The following SCML2 variants were observed in gnomAD, a reference collection of about 807,000 sequenced individuals.
SCML2 encodes the protein Scm polycomb group protein like 2.
In SCML2, 6 loss-of-function variants were observed where a neutral mutation model predicts 48.4. That is an observed-to-expected ratio of 0.12 (90% CI 0.07 to 0.24). The LOEUF (loss-of-function observed/expected upper bound fraction) is 0.24, where lower values mean the gene tolerates loss of function less well. SCML2 is among the 10% of genes least tolerant of loss of function. SCML2 has a pLI of 1.00. For missense variants in SCML2, 377 were observed against 528.2 expected (o/e 0.71, Z 2.81); for synonymous variants, 181 against 189.5 (o/e 0.95, Z 0.37).
chrX:18,306,068 G>C (rs1387412535), intron 6 of SCML2, among the ~76,000 whole-genome samples: 1 of 111,111 alleles, frequency 9.0e-6, no homozygotes, highest in East Asian at 2.8e-4. Flanking sequence ...AATTAAAAGA[G>C]AAAAGAAAAG....
intron 5 of SCML2, among the ~76,000 whole-genome samples, chrX:18,321,992 C>G (rs964328954): frequency 2.7e-5 from 3 of 111,622 alleles, no homozygotes; most frequent in African/African-American, 9.8e-5. Flanking sequence ...GTTCTATTTT[C>G]TGATTTGGAT....
intron 8 of SCML2, among the ~76,000 whole-genome samples, chrX:18,264,787 A>C: frequency 9.0e-6 from 1 of 111,247 alleles, no homozygotes; most frequent in East Asian, 2.8e-4. Flanking sequence ...GCCTCAGTTC[A>C]GATCTTTTGC....
intron 6 of SCML2, 78 bp downstream of exon 6, chrX:18,320,254 T>C (rs1929273034): frequency 3.5e-6 from 2 of 578,275 alleles, no homozygotes; most frequent in Non-Finnish European, 5.3e-6. Context: ...TGCTTTTCCA[T>C]GTCACAGAAG....
intron 1 of SCML2, among the ~76,000 whole-genome samples, chrX:18,350,949 G>C (rs1236640568): frequency 9.0e-6 from 1 of 110,991 alleles, no homozygotes; most frequent in East Asian, 2.8e-4. Flanking sequence ...CCCAAAGCCA[G>C]GGAAGGGTAT....
At chrX:18,245,616 G>A (rs1445358949) in intron 13 of SCML2, among the ~76,000 whole-genome samples, 2 of 111,993 alleles carry the variant, frequency 1.8e-5, no homozygotes, top group African/African-American at 3.2e-5. Context: ...TCGCCTGCAT[G>A]CCTACCTGGA....
chrX:18,331,934 A>G (rs962243675), intron 2 of SCML2, among the ~76,000 whole-genome samples: 10 of 112,131 alleles, frequency 8.9e-5, no homozygotes. Context: ...GGTCAGATTT[A>G]AGATTGGCTT....
intron 1 of SCML2, among the ~76,000 whole-genome samples, chrX:18,341,576 T>C (rs777108048): frequency 7.2e-5 from 8 of 111,118 alleles, no homozygotes; most frequent in Non-Finnish European, 1.3e-4. Flanking sequence ...ACACAGCTCA[T>C]GGCAAAAAAT....
intron 11 of SCML2, among the ~76,000 whole-genome samples, chrX:18,249,188 T>C (rs1441619462): frequency 8.9e-6 from 1 of 111,951 alleles, no homozygotes; most frequent in Non-Finnish European, 1.9e-5. Context: ...CTCTGGAAAT[T>C]AAAGACTTGC....
chrX:18,289,235 C>T (rs1016606697), intron 7 of SCML2, among the ~76,000 whole-genome samples: 2 of 112,254 alleles, frequency 1.8e-5, no homozygotes, highest in East Asian at 5.6e-4. Context: ...AATCTCCAGA[C>T]TCTGCTTGCA....
chrX:18,340,024 T>C (rs1929962324), intron 1 of SCML2, among the ~76,000 whole-genome samples: 1 of 112,147 alleles, frequency 8.9e-6, no homozygotes, highest in South Asian at 3.7e-4. Flanking sequence ...AAATTCCATA[T>C]ATCGATAATC....
chrX:18,269,031 A>C (rs182831363), intron 7 of SCML2, among the ~76,000 whole-genome samples: 41 of 112,033 alleles, frequency 3.7e-4, no homozygotes, highest in African/African-American at 1.3e-3. Context: ...ACTACTATGA[A>C]TAAAACATCA....
chrX:18,260,628 T>C (rs921390248), intron 8 of SCML2, among the ~76,000 whole-genome samples: 1 of 109,677 alleles, frequency 9.1e-6, no homozygotes, highest in Admixed American at 9.6e-5. Context: ...TTTTTTCACA[T>C]TGCTAAAGAA....
intron 7 of SCML2, among the ~76,000 whole-genome samples, chrX:18,287,637 T>C (rs1341148835): frequency 3.6e-5 from 4 of 111,859 alleles, no homozygotes; most frequent in South Asian, 7.5e-4. Flanking sequence ...GACAATGCCA[T>C]TTTAAGTTGG....
intron 7 of SCML2, among the ~76,000 whole-genome samples, chrX:18,272,263 T>C (rs1352409211): frequency 8.9e-6 from 1 of 112,266 alleles, no homozygotes; most frequent in Non-Finnish European, 1.9e-5. Flanking sequence ...TCCATAAGCA[T>C]AGAAGTCCTT....
At chrX:18,345,206 C>G (rs1930159626) in intron 1 of SCML2, among the ~76,000 whole-genome samples, 2 of 111,118 alleles carry the variant, frequency 1.8e-5, no homozygotes, top group African/African-American at 6.5e-5. Flanking sequence ...AGTGCCTTTT[C>G]TCCCGTGCTA....
chrX:18,275,534 A>C (rs1030074109), intron 7 of SCML2, among the ~76,000 whole-genome samples: 7 of 112,501 alleles, frequency 6.2e-5, no homozygotes, highest in Non-Finnish European at 9.4e-5. Flanking sequence ...CTTTATTTAC[A>C]TATATCTATC....
intron 2 of SCML2, among the ~76,000 whole-genome samples, chrX:18,331,759 G>A (rs182374175): frequency 6.3e-5 from 7 of 111,439 alleles, no homozygotes; most frequent in African/African-American, 2.0e-4. Context: ...CTTTCTTCTC[G>A]TTTTTATTCT....
At position 18,243,909 on chromosome X, in the gene SCML2, T is replaced by G. The variant is rs1035162195; in HGVS notation, c.1823-1319A>C. Among the ~76,000 whole-genome samples, 10 of 112,226 alleles carry G rather than the reference T, an allele frequency of 8.9e-5. No individual in the cohort carries two copies. In the East Asian group the frequency reaches 2.5e-3, roughly 28 times the overall value. On this transcript the variant is annotated intron_variant, in intron 13 of 14. Coordinates refer to ENST00000251900, the MANE Select transcript of SCML2 (RefSeq NM_006089.3). ...CTGTCAACACAAATTTGATGTTTTTTTGTGTGTGAATTAGCCAAAGGAGTA... is the reference window on the plus strand; with the variant it reads ...CTGTCAACACAAATTTGATGTTTTTGTGTGTGTGAATTAGCCAAAGGAGTA...
chrX:18,276,315 A>C (rs1195713703), intron 7 of SCML2, among the ~76,000 whole-genome samples: 1 of 110,089 alleles, frequency 9.1e-6, no homozygotes, highest in African/African-American at 3.3e-5. Flanking sequence ...AAAAAAAAAA[A>C]CAGTTTGGCA....
Sources: gnomAD v4.1 joint callset for allele counts (sites outside exome capture counted in the v4.1 genomes callset) on GRCh38, gnomAD v4.1.1 for gene constraint, MANE v1.5 for transcripts, NCBI Gene and HGNC (gene_info 2026-07-23, HGNC 2026-07-21) for gene names.